The following SRRM4 variants were observed in gnomAD, a reference collection of about 807,000 sequenced individuals.
SRRM4 encodes serine/arginine repetitive matrix 4, also known as serine/arginine repetitive matrix protein 4.
Under a neutral mutation model 68.9 loss-of-function variants are expected in SRRM4, and 33 were observed. The ratio of observed to expected loss-of-function variants is 0.48; its 90% CI spans 0.36 to 0.64. The LOEUF (loss-of-function observed/expected upper bound fraction) is 0.64. SRRM4 is among the 30% of genes least tolerant of loss of function. The pLI is 0.00. For missense variants in SRRM4, 817 were observed against 827.1 expected (o/e 0.99, Z 0.15); for synonymous variants, 318 against 318.8 (o/e 1.00, Z 0.03).
At chr12:119,130,426 G>GATGGTTAA (rs1401387997) in intron 7 of SRRM4, among the ~76,000 whole-genome samples, 1 of 151,824 alleles carries the variant, frequency 6.6e-6, no homozygotes, top group African/African-American at 2.4e-5. Flanking sequence ...TGGATGGATG[G>GATGGTTAA]ATGGATGGAT....
chr12:119,135,915 A>G (rs1954324923), intron 8 of SRRM4, among the ~76,000 whole-genome samples: 2 of 152,280 alleles, frequency 1.3e-5, no homozygotes, highest in South Asian at 2.1e-4. Flanking sequence ...AATAATAATC[A>G]TACCTACTTA....
intron 1 of SRRM4, among the ~76,000 whole-genome samples, chr12:119,075,455 ATGATGGTGATGATGATGGTGC>A (rs1953903441): frequency 6.7e-6 from 1 of 148,354 alleles, no homozygotes; most frequent in Non-Finnish European, 1.5e-5. Flanking sequence ...GATGATGGTG[ATGATGGTGATGATGATGGTGC>A]TGATGGTGAT....
At position 119,120,235 on chromosome 12, in the gene SRRM4, T is replaced by C. The variant is rs1293843674; in HGVS notation, c.438-15T>C. On this transcript the variant is annotated splice_polypyrimidine_tract_variant and intron_variant, in intron 4 of 12. Coordinates refer to ENST00000267260, the MANE Select transcript of SRRM4 (RefSeq NM_194286.4). ...TTGATTCTTCTTTTCATTTTTTTTC[T>C]TTCTTTCTTTTCAGGTCATTCTCCA... is the stretch of plus-strand genomic sequence containing the variant. 6.5e-7 allele frequency: 1 copy of C among 1,538,412 alleles called. No homozygotes were observed. The highest frequency in any genetic ancestry group is 1.4e-5 in the African/African-American group (1 of 72,612).
intron 1 of SRRM4, among the ~76,000 whole-genome samples, chr12:119,043,113 T>C (rs192786374): frequency 2.0e-4 from 31 of 152,322 alleles, no homozygotes; most frequent in African/African-American, 6.7e-4. Flanking sequence ...GCAGCACTAT[T>C]CACAATAGCA....
intron 2 of SRRM4, 187 bp from the exon 3 acceptor site, chr12:119,114,091 C>T (rs1481379365): frequency 6.1e-6 from 3 of 491,848 alleles, no homozygotes; most frequent in East Asian, 3.1e-5. Flanking sequence ...CTCATTAACT[C>T]GGCATTAAGT....
intron 1 of SRRM4, among the ~76,000 whole-genome samples, chr12:118,986,102 T>A (rs560691200): frequency 6.6e-6 from 1 of 152,262 alleles, no homozygotes; most frequent in Admixed American, 6.5e-5. Context: ...AGGGAAATTG[T>A]AAGGCAGAAA....
At chr12:119,000,625 G>A (rs1953377937) in intron 1 of SRRM4, among the ~76,000 whole-genome samples, 1 of 152,156 alleles carries the variant, frequency 6.6e-6, no homozygotes, top group Non-Finnish European at 1.5e-5. Flanking sequence ...GAGGGCAAAA[G>A]GACAGAGAAA....
intron 1 of SRRM4, among the ~76,000 whole-genome samples, chr12:119,093,251 GT>G (rs1371478022): frequency 6.6e-6 from 1 of 152,090 alleles, no homozygotes; most frequent in South Asian, 2.1e-4. Context: ...ACCAAGCAAG[GT>G]TTTTTTCTCT....
intron 7 of SRRM4, among the ~76,000 whole-genome samples, chr12:119,127,464 G>A (rs978239470): frequency 3.7e-4 from 57 of 152,102 alleles, no homozygotes; most frequent in Middle Eastern, 6.8e-3. Context: ...ACAATGTCTC[G>A]CGCCTGTAAT....
In SRRM4 at chr12:119,154,460, C is replaced by A; in HGVS notation, c.1532+77C>A. ...TTCTTACTCATTCGAGCCTCAGGCT[C>A]TCCCTAGGCCTCCTTGGGGCTGGGA... On this transcript the variant is annotated intron_variant, in intron 12 of 12. Coordinates refer to ENST00000267260, the MANE Select transcript of SRRM4 (RefSeq NM_194286.4). The surrounding 1 kb of genome is among the most constrained non-coding windows in gnomAD (Gnocchi z 4.7). 1 of 1,508,050 alleles carries A rather than the reference C, an allele frequency of 6.6e-7. No individual in the cohort carries two copies. The highest frequency in any genetic ancestry group is 1.2e-5 in the South Asian group (1 of 83,980). 93.4% of individuals were successfully genotyped at this position (1,508,050 alleles called of 1,614,324 possible). A position where few individuals can be genotyped will look rare whatever the true frequency, so the allele number is the denominator to read the frequency against.
chr12:119,130,703 G>C lies in SRRM4; in HGVS notation c.640G>C (p.Gly214Arg). The change falls in exon 8 of 13, where the codon GGG (glycine) becomes CGG (arginine). Residue 214 changes from glycine to arginine, a missense_variant. Physicochemically the swap from Gly to Arg is moderately radical, Grantham distance 125 (BLOSUM62 -2). Coordinates refer to ENST00000267260, the MANE Select transcript of SRRM4 (RefSeq NM_194286.4). ...SRHRGRSPEEGQKSRRRHSRR... is the reference protein window; with the variant it reads ...SRHRGRSPEERQKSRRRHSRR... ...GCACCGCGGCCGGTCCCCTGAGGAA[G>C]GGCAGAAGTCCCGCCGAAGGCACTC... The C allele has an allele frequency of 6.2e-7, 1 of 1,611,124 alleles. No individual in the cohort carries two copies. Among genetic ancestry groups the C allele is most frequent in the Non-Finnish European group, 8.5e-7 (1 of 1,179,686 alleles).
At chr12:119,135,375 T>C (rs1182401181) in intron 8 of SRRM4, among the ~76,000 whole-genome samples, 3 of 152,220 alleles carry the variant, frequency 2.0e-5, no homozygotes, top group East Asian at 1.9e-4. Context: ...CCTGGGCCAA[T>C]AGTTGCTAAT....
At chr12:119,031,877 A>AT (rs748270083) in intron 1 of SRRM4, among the ~76,000 whole-genome samples, 2 of 151,902 alleles carry the variant, frequency 1.3e-5, no homozygotes, top group Admixed American at 6.6e-5. Flanking sequence ...ATTTTTTCTG[A>AT]TTTTACCATT....
chr12:119,011,072 G>C (rs899174549), intron 1 of SRRM4, among the ~76,000 whole-genome samples: 3 of 152,092 alleles, frequency 2.0e-5, no homozygotes, highest in Non-Finnish European at 4.4e-5. Context: ...GTCAATGACA[G>C]CATCACATAT....
chr12:119,107,371 T>C (rs1008275536), intron 2 of SRRM4, among the ~76,000 whole-genome samples: 5 of 152,210 alleles, frequency 3.3e-5, no homozygotes, highest in Non-Finnish European at 7.3e-5. Flanking sequence ...TTTCTATTGA[T>C]TGGAATAGTT....
intron 1 of SRRM4, among the ~76,000 whole-genome samples, chr12:118,996,348 A>T (rs941034039): frequency 3.3e-5 from 5 of 152,228 alleles, no homozygotes; most frequent in Admixed American, 1.3e-4. Flanking sequence ...TCAGAAACAA[A>T]GGATCACAAC....
At chr12:119,012,365 A>G (rs946286883) in intron 1 of SRRM4, among the ~76,000 whole-genome samples, 1 of 152,222 alleles carries the variant, frequency 6.6e-6, no homozygotes, top group Non-Finnish European at 1.5e-5. Context: ...GGTTGCCATG[A>G]TATATCTCCC....
chr12:119,035,998 G>A (rs901787016), intron 1 of SRRM4, among the ~76,000 whole-genome samples: 1 of 152,128 alleles, frequency 6.6e-6, no homozygotes, highest in East Asian at 1.9e-4. Context: ...AAGGGAAAAG[G>A]GAAAATTCTT....
chr12:119,141,239 G>A (rs538927138), intron 8 of SRRM4, among the ~76,000 whole-genome samples: 4 of 152,122 alleles, frequency 2.6e-5, no homozygotes, highest in Non-Finnish European at 5.9e-5. Context: ...CACCATGCTC[G>A]GTCTTAGAAG....
Sources: allele counts gnomAD v4.1 joint callset (sites outside exome capture counted in the v4.1 genomes callset), GRCh38; gene constraint gnomAD v4.1.1; non-coding constraint Gnocchi (gnomAD v3.1); transcripts MANE v1.5; gene names NCBI Gene and HGNC (gene_info 2026-07-23, HGNC 2026-07-21).